The following SMYD1 variants were observed in gnomAD, a reference collection of about 807,000 sequenced individuals.
SMYD1 encodes the protein SET and MYND domain containing 1.
In SMYD1, 49 loss-of-function variants were observed where a neutral mutation model predicts 54.0. The observed-to-expected ratio is 0.91, with a 90% confidence interval of 0.72 to 1.15. The LOEUF is 1.15. SMYD1 is among the 50% of genes most tolerant of loss of function. The pLI is 0.00. For synonymous variants in SMYD1, 269 were observed against 234.2 expected, an observed-to-expected ratio of 1.15 and a Z score of -1.36; for missense variants, 653 against 639.6, an observed-to-expected ratio of 1.02 and a Z score of -0.23.
intron 7 of SMYD1, 63 bp from the exon 8 acceptor site, chr2:88,106,262 G>C (rs915742674): frequency 1.3e-6 from 2 of 1,580,324 alleles, no homozygotes; most frequent in Admixed American, 1.7e-5. Flanking sequence ...TGATGGTCGC[G>C]TATGTGAATT....
intron 1 of SMYD1, among the ~76,000 whole-genome samples, chr2:88,080,857 T>C (rs962543272): frequency 2.6e-4 from 40 of 152,142 alleles, no homozygotes; most frequent in African/African-American, 9.4e-4. Flanking sequence ...AGTTAAAAAA[T>C]TCAGTGTCAC....
chr2:88,104,213 G>A (rs758325702), intron 7 of SMYD1, among the ~76,000 whole-genome samples: 30 of 152,102 alleles, frequency 2.0e-4, no homozygotes, highest in Admixed American at 1.3e-3. Context: ...TGATCTGCCC[G>A]CCTTGGCCTC....
intron 6 of SMYD1, among the ~76,000 whole-genome samples, chr2:88,097,215 AAG>A (rs2104003479): frequency 6.6e-6 from 1 of 152,298 alleles, no homozygotes; most frequent in African/African-American, 2.4e-5. Context: ...GGTTATCAAA[AAG>A]ATATTCCTAG....
chr2:88,093,130 C>A (rs1017441670), intron 4 of SMYD1, among the ~76,000 whole-genome samples: 1 of 152,166 alleles, frequency 6.6e-6, no homozygotes, highest in Admixed American at 6.5e-5. Flanking sequence ...AGACAGACAT[C>A]CAAAGAGGCA....
intron 6 of SMYD1, among the ~76,000 whole-genome samples, chr2:88,102,703 G>A (rs1423000315): frequency 1.3e-5 from 2 of 152,248 alleles, no homozygotes; most frequent in Admixed American, 6.5e-5. Flanking sequence ...TTGAAACAAA[G>A]AGGGAGAGCA....
chr2:88,090,773 C>T (rs926238493), intron 3 of SMYD1, among the ~76,000 whole-genome samples: 4 of 152,096 alleles, frequency 2.6e-5, no homozygotes, highest in African/African-American at 9.7e-5. Context: ...AGAATAGAGC[C>T]ACAAAAAACT....
intron 1 of SMYD1, among the ~76,000 whole-genome samples, chr2:88,071,844 G>A (rs1027132395): frequency 6.6e-6 from 1 of 152,086 alleles, no homozygotes; most frequent in Non-Finnish European, 1.5e-5. Context: ...AGAGTTTCCA[G>A]TTCTCAGGGG....
At chr2:88,106,988 G>C (rs2919860) in intron 8 of SMYD1, among the ~76,000 whole-genome samples, 41,713 of 151,846 alleles carry the variant, frequency 0.27, 7,400 homozygotes, top group East Asian at 0.51. Context: ...ATCACGAGGT[G>C]GGGAGATAGA....
At chr2:88,085,701 C>T (rs927081927) in intron 2 of SMYD1, among the ~76,000 whole-genome samples, 3 of 152,176 alleles carry the variant, frequency 2.0e-5, no homozygotes, top group Non-Finnish European at 4.4e-5. Context: ...CTTCATGACC[C>T]TTTCCTCGGT....
chr2:88,107,132 C>T (rs1294752377), intron 8 of SMYD1, among the ~76,000 whole-genome samples: 4 of 151,986 alleles, frequency 2.6e-5, no homozygotes, highest in South Asian at 2.1e-4. Context: ...ACCTGGGAGG[C>T]GGAGCTTGCA....
intron 3 of SMYD1, among the ~76,000 whole-genome samples, chr2:88,089,585 G>GTT (rs59808789): frequency 0.048 from 5,058 of 105,928 alleles, 470 homozygotes; most frequent in East Asian, 0.36. Flanking sequence ...GCTTCTACCT[G>GTT]TTTTTTTTTT....
chr2:88,112,463 C>G lies in SMYD1; in HGVS notation c.*1951C>G, dbSNP rs534098450. On this transcript the variant is annotated 3_prime_UTR_variant, in exon 10 of 10. Transcript: ENST00000419482. ...CTTTGACCCCCAGACTTTGCTCCAT[C>G]TATTATTGCTTCTCCATCCTGGATC... The G allele has an allele frequency of 3.7e-4, 123 of 335,218 alleles. No homozygotes were observed. The highest frequency in any genetic ancestry group is 2.4e-3 in the African/African-American group (119 of 48,590). The allele number at this position is 335,218 out of a possible 1,614,324, so 20.8% of individuals were successfully genotyped here.
At chr2:88,080,992 T>A in intron 1 of SMYD1, among the ~76,000 whole-genome samples, 1 of 151,486 alleles carries the variant, frequency 6.6e-6, no homozygotes, top group Non-Finnish European at 1.5e-5. Context: ...AACCTCTGCC[T>A]CCCTGGTTCA....
At chr2:88,100,847 G>A (rs543464097) in intron 6 of SMYD1, among the ~76,000 whole-genome samples, 35 of 152,284 alleles carry the variant, frequency 2.3e-4, no homozygotes, top group African/African-American at 7.0e-4. Flanking sequence ...AGAAGCTAGC[G>A]CACTGATGGG....
At position 88,087,719 on chromosome 2, in the gene SMYD1, A is replaced by G. The variant is rs557346329; in HGVS notation, c.315-143A>G. ...CCTCTCCCCCACTATATGAAGCATC[A>G]TGATAGAATAAATTCCATCCATCTA... On this transcript the variant is annotated intron_variant, in intron 2 of 9. Transcript: ENST00000419482. The G allele has an allele frequency of 4.4e-4, 315 of 719,370 alleles. 2 individuals carry two copies. Among genetic ancestry groups the G allele is most frequent in the Admixed American group, 2.3e-3 (75 of 31,968 alleles). 44.6% of individuals were successfully genotyped at this position (719,370 alleles called of 1,614,324 possible). A position where few individuals can be genotyped will look rare whatever the true frequency, so the allele number is the denominator to read the frequency against.
At chr2:88,073,845 T>C (rs1196788073) in intron 1 of SMYD1, among the ~76,000 whole-genome samples, 2 of 152,200 alleles carry the variant, frequency 1.3e-5, no homozygotes, top group Non-Finnish European at 2.9e-5. Context: ...GAAGTGAAAG[T>C]TTTTTAACAT....
chr2:88,082,944 T>A (rs528753178), intron 1 of SMYD1: 1 of 152,076 alleles, frequency 6.6e-6, no homozygotes, highest in Non-Finnish European at 1.5e-5. Flanking sequence ...GAACTGACTG[T>A]TCTCAGAAAC....
At chr2:88,081,119 T>A (rs1674180612) in intron 1 of SMYD1, among the ~76,000 whole-genome samples, 1 of 152,154 alleles carries the variant, frequency 6.6e-6, no homozygotes, top group Admixed American at 6.5e-5. Flanking sequence ...GCCAGGCTAG[T>A]CTTGAACTCC....
At chr2:88,081,685 C>G (rs1674199038) in intron 1 of SMYD1, among the ~76,000 whole-genome samples, 1 of 152,140 alleles carries the variant, frequency 6.6e-6, no homozygotes, top group Non-Finnish European at 1.5e-5. Flanking sequence ...ATCTGCGCAC[C>G]TCGGCTTCCC....
Sources: gnomAD v4.1 joint callset for allele counts (sites outside exome capture counted in the v4.1 genomes callset) on GRCh38, gnomAD v4.1.1 for gene constraint, MANE v1.5 for transcripts, NCBI Gene and HGNC (gene_info 2026-07-23, HGNC 2026-07-21) for gene names.